The following MARCHF1 variants were observed in gnomAD, a reference collection of about 807,000 sequenced individuals.
The protein encoded by MARCHF1 is membrane associated ring-CH-type finger 1, also known as E3 ubiquitin-protein ligase MARCHF1.
MARCHF1 carries 40 observed loss-of-function variants against 54.2 expected under a neutral mutation model. The ratio of observed to expected loss-of-function variants is 0.74; its 90% CI spans 0.57 to 0.96. The LOEUF (loss-of-function observed/expected upper bound fraction) is 0.96, where lower values mean the gene tolerates loss of function less well. Ranked by LOEUF, MARCHF1 falls within the 40% of genes least tolerant of loss-of-function variation. The probability of loss-of-function intolerance (pLI) is 0.00; values close to 1 mark genes in which losing one functional copy is unlikely to be tolerated. For missense variants in MARCHF1, 586 were observed against 656.5 expected (o/e 0.89, Z 1.17); for synonymous variants, 236 against 236.3 (o/e 1.00, Z 0.01).
intron 1 of MARCHF1, chr4:164,135,514 G>T (rs1339109550): frequency 6.6e-6 from 1 of 152,194 alleles, no homozygotes; most frequent in Non-Finnish European, 1.5e-5. Context: ...AGAAGGAGAA[G>T]AAGAATGAGA....
chr4:164,165,227 AC>A (rs1358247732), intron 1 of MARCHF1, among the ~76,000 whole-genome samples: 2 of 151,904 alleles, frequency 1.3e-5, no homozygotes, highest in Non-Finnish European at 2.9e-5. Flanking sequence ...TGAAGTCCCA[AC>A]CCCCAATGTG....
At chr4:163,975,884 T>C (rs1434973774) in intron 3 of MARCHF1, among the ~76,000 whole-genome samples, 1 of 152,148 alleles carries the variant, frequency 6.6e-6, no homozygotes, top group Non-Finnish European at 1.5e-5. Flanking sequence ...AGGAAGCCCA[T>C]ACAATGTTTA....
intron 5 of MARCHF1, among the ~76,000 whole-genome samples, chr4:163,677,627 T>C (rs1743961659): frequency 6.6e-6 from 1 of 152,232 alleles, no homozygotes; most frequent in South Asian, 2.1e-4. Flanking sequence ...TACTTCTCTG[T>C]GCCAACATTT....
intron 4 of MARCHF1, among the ~76,000 whole-genome samples, chr4:163,729,422 T>A (rs563982037): frequency 3.2e-4 from 48 of 152,140 alleles, no homozygotes; most frequent in African/African-American, 1.1e-3. Context: ...TCCCTCTGTC[T>A]TGGAAGATTA....
At chr4:163,972,521 A>T (rs946403075) in intron 3 of MARCHF1, among the ~76,000 whole-genome samples, 1 of 152,048 alleles carries the variant, frequency 6.6e-6, no homozygotes, top group Non-Finnish European at 1.5e-5. Context: ...TTTGTTATAA[A>T]AAGTCTTAAT....
chr4:163,832,198 A>C lies in MARCHF1; in HGVS notation c.111+21823T>G, dbSNP rs1225831755. Among the ~76,000 whole-genome samples the C allele has an allele frequency of 2.0e-5, 3 of 152,236 alleles. No homozygotes were observed. The East Asian group carries it at 5.8e-4, about 29-fold the overall frequency. ...GATGTCGTTTCTAATTGGGGAAAAC[A>C]GACAAATTGTGATGCCCTCTATGGA... On this transcript the variant is annotated intron_variant, in intron 4 of 9. Transcript: ENST00000514618.
intron 2 of MARCHF1, among the ~76,000 whole-genome samples, chr4:163,991,932 T>C (rs1042251800): frequency 2.0e-5 from 3 of 151,940 alleles, no homozygotes; most frequent in African/African-American, 7.3e-5. Flanking sequence ...ACCTCAGTTT[T>C]CCCCCAAGAG....
chr4:164,022,422 C>T (rs1477373166), intron 2 of MARCHF1, among the ~76,000 whole-genome samples: 1 of 152,064 alleles, frequency 6.6e-6, no homozygotes, highest in Non-Finnish European at 1.5e-5. Context: ...ACACAGAAAC[C>T]AAGGCTGAAG....
At chr4:163,661,253 C>T (rs1036789332) in intron 5 of MARCHF1, among the ~76,000 whole-genome samples, 2 of 151,976 alleles carry the variant, frequency 1.3e-5, no homozygotes, top group Admixed American at 6.6e-5. Context: ...CTATGATCTT[C>T]CCTGAAATTC....
intron 2 of MARCHF1, among the ~76,000 whole-genome samples, chr4:164,080,741 C>T (rs35504826): frequency 0.046 from 6,975 of 150,752 alleles, 219 homozygotes; most frequent in Middle Eastern, 0.14. Context: ...AAAGTAAAAA[C>T]TATATTTTAA....
intron 1 of MARCHF1, among the ~76,000 whole-genome samples, chr4:164,289,243 C>T (rs1734226528): frequency 6.6e-6 from 1 of 151,944 alleles, no homozygotes; most frequent in Admixed American, 6.6e-5. Flanking sequence ...GTGGCATCCA[C>T]TCTTGATGCT....
At chr4:163,927,643 AGT>A (rs1751564898) in intron 3 of MARCHF1, among the ~76,000 whole-genome samples, 1 of 151,808 alleles carries the variant, frequency 6.6e-6, no homozygotes, top group South Asian at 2.1e-4. Context: ...TAGCTTGCAG[AGT>A]AATTTTAGAG....
At chr4:163,674,128 A>C (rs150658442) in intron 5 of MARCHF1, among the ~76,000 whole-genome samples, 2 of 152,284 alleles carry the variant, frequency 1.3e-5, no homozygotes, top group African/African-American at 4.8e-5. Context: ...TTCAGCATCA[A>C]AATAACCACC....
intron 1 of MARCHF1, among the ~76,000 whole-genome samples, chr4:164,141,378 G>A (rs1300772875): frequency 6.6e-6 from 1 of 152,080 alleles, no homozygotes; most frequent in Non-Finnish European, 1.5e-5. Flanking sequence ...TTTCTTTTTA[G>A]CTGTCTTTAG....
At chr4:164,116,366 A>G (rs893338595) in intron 1 of MARCHF1, among the ~76,000 whole-genome samples, 1 of 152,226 alleles carries the variant, frequency 6.6e-6, no homozygotes, top group Non-Finnish European at 1.5e-5. Context: ...TAAAGGGCAA[A>G]TAACTAACTA....
intron 5 of MARCHF1, among the ~76,000 whole-genome samples, chr4:163,698,657 A>AT (rs146357645): frequency 6.6e-5 from 10 of 152,270 alleles, no homozygotes; most frequent in African/African-American, 2.4e-4. Flanking sequence ...TAGACTGTGG[A>AT]TTTTTTTGAT....
intron 1 of MARCHF1, among the ~76,000 whole-genome samples, chr4:164,267,590 G>A (rs550235406): frequency 6.6e-6 from 1 of 152,218 alleles, no homozygotes; most frequent in East Asian, 1.9e-4. Flanking sequence ...GAGCTGGGAA[G>A]AAGATCCACC....
intron 5 of MARCHF1, among the ~76,000 whole-genome samples, chr4:163,615,890 T>C (rs776215296): frequency 6.6e-6 from 1 of 152,070 alleles, no homozygotes; most frequent in Non-Finnish European, 1.5e-5. Context: ...CATAGACCCA[T>C]GGAACACAAC....
chr4:163,994,045 C>T (rs1249254499), intron 2 of MARCHF1, among the ~76,000 whole-genome samples: 7 of 152,078 alleles, frequency 4.6e-5, no homozygotes, highest in Non-Finnish European at 7.4e-5. Flanking sequence ...CTGTAGCTTT[C>T]AAAATATTAG....
Sources: allele counts gnomAD v4.1 joint callset (sites outside exome capture counted in the v4.1 genomes callset), GRCh38; gene constraint gnomAD v4.1.1; transcripts MANE v1.5; gene names NCBI Gene and HGNC (gene_info 2026-07-23, HGNC 2026-07-21).